The following BCKDHA variants were observed in gnomAD, a reference collection of about 807,000 sequenced individuals.
BCKDHA encodes branched chain keto acid dehydrogenase E1 subunit alpha.
A neutral mutation model predicts 52.2 loss-of-function variants in BCKDHA; 43 were observed. The ratio of observed to expected loss-of-function variants is 0.82; its 90% CI spans 0.64 to 1.06. The LOEUF (loss-of-function observed/expected upper bound fraction) is 1.06, where lower values mean the gene tolerates loss of function less well. BCKDHA is among the 50% of genes least tolerant of loss of function. The probability of loss-of-function intolerance (pLI) is 0.00; values close to 1 mark genes in which losing one functional copy is unlikely to be tolerated. For missense variants in BCKDHA, 527 were observed against 621.3 expected, an observed-to-expected ratio of 0.85 and a Z score of 1.61; for synonymous variants, 234 against 247.9, an observed-to-expected ratio of 0.94 and a Z score of 0.53.
Position 41,422,369 on chromosome 19 carries a change from T to A in BCKDHA, c.852T>A (p.Ile284=). 1.9e-6 allele frequency: 3 copies of A among 1,614,152 alleles called. No individual in the cohort carries two copies. Among genetic ancestry groups the A allele is most frequent in the Non-Finnish European group, 2.5e-6 (3 of 1,180,010 alleles). Residue 284 remains isoleucine (I), a splice_region_variant and synonymous_variant, in exon 6 of 9, where the codon ATT becomes ATA. Transcript: ENST00000269980. ...PTSEQYRGDG[I]AARGPGYGIM... Reference sequence around the variant, plus strand: ...CTGAGCAGTATCGCGGCGATGGCATTGGTATGGGCTCTGCTGGCTGCTCCC... The same window carrying A: ...CTGAGCAGTATCGCGGCGATGGCATAGGTATGGGCTCTGCTGGCTGCTCCC...
intron 1 of BCKDHA, among the ~76,000 whole-genome samples, chr19:41,399,145 G>C (rs1242485361): frequency 2.6e-5 from 4 of 152,146 alleles, no homozygotes; most frequent in Non-Finnish European, 5.9e-5. Flanking sequence ...AGGAGGGGAA[G>C]ATGGAATCTG....
chr19:41,414,242 G>A, intron 4 of BCKDHA, 85 bp downstream of exon 4: 1 of 1,315,096 alleles, frequency 7.6e-7, no homozygotes, highest in East Asian at 2.4e-5. Context: ...GAGCAGCATA[G>A]TGCCAGGAAG....
At chr19:41,412,077 A>G (rs1430449138) in intron 3 of BCKDHA, among the ~76,000 whole-genome samples, 1 of 152,046 alleles carries the variant, frequency 6.6e-6, no homozygotes, top group Non-Finnish European at 1.5e-5. Flanking sequence ...CGCTTTACAC[A>G]TGGCCCTGTG....
At chr19:41,402,641 T>G (rs2039150068) in intron 1 of BCKDHA, among the ~76,000 whole-genome samples, 1 of 152,048 alleles carries the variant, frequency 6.6e-6, no homozygotes, top group Admixed American at 6.6e-5. Flanking sequence ...TATTGGCTTA[T>G]TTTGTTTTAT....
At chr19:41,420,505 A>G (rs2039352752) in intron 5 of BCKDHA, among the ~76,000 whole-genome samples, 1 of 152,146 alleles carries the variant, frequency 6.6e-6, no homozygotes, top group Non-Finnish European at 1.5e-5. Flanking sequence ...AGGCTGAAGC[A>G]GGAGGATTGC....
In BCKDHA at chr19:41,422,164, C is replaced by T. The variant is rs369448982; in HGVS notation, c.647C>T (p.Ala216Val). The T allele has an allele frequency of 1.4e-5, 22 of 1,612,932 alleles. No individual in the cohort carries two copies. Among genetic ancestry groups the T allele is most frequent in the South Asian group, 4.4e-5 (4 of 90,984 alleles). ...SSPLATQIPQ[A>V]VGAAYAAKRA... ...CTCACCACCCTCTCATCCCCTGCAG[C>T]GGTGGGGGCGGCGTACGCAGCCAAG... The change falls in exon 6 of 9, where the codon GCG becomes GTG. Residue 216 changes from alanine (A) to valine (V), a missense_variant and splice_region_variant. Ala to Val is a moderately conservative substitution (Grantham distance 64). Transcript: ENST00000269980.
intron 4 of BCKDHA, among the ~76,000 whole-genome samples, chr19:41,418,503 G>A (rs1363071939): frequency 6.6e-6 from 1 of 151,804 alleles, no homozygotes; most frequent in Non-Finnish European, 1.5e-5. Flanking sequence ...GTAAATTAGT[G>A]GTCTATGCTG....
intron 1 of BCKDHA, among the ~76,000 whole-genome samples, chr19:41,408,929 T>C (rs138842376): frequency 0.011 from 1,733 of 151,960 alleles, 20 homozygotes; most frequent in Middle Eastern, 0.048. Flanking sequence ...CTGTCTTCCA[T>C]GAAGGACACA....
chr19:41,422,735 G>A lies in BCKDHA; in HGVS notation c.960G>A (p.Glu320=). The A allele has an allele frequency of 6.2e-7, 1 of 1,613,952 alleles. No homozygotes were observed. The highest frequency in any genetic ancestry group is 2.2e-5 in the East Asian group (1 of 44,874). Reference sequence around the variant, plus strand: ...AGGCCCGACGGCGGGCTGTGGCAGAGAACCAGCCCTTCCTCATCGAGGCCA... The same window carrying A: ...AGGCCCGACGGCGGGCTGTGGCAGAAAACCAGCCCTTCCTCATCGAGGCCA... ...TKEARRRAVA[E]NQPFLIEAMT... is the part of the protein sequence containing the mutation. The change falls in exon 7 of 9, where the codon GAG becomes GAA. Residue 320 remains glutamate, a synonymous_variant. Transcript: ENST00000269980.
chr19:41,410,368 C>G (rs1183691422), intron 1 of BCKDHA, among the ~76,000 whole-genome samples: 2 of 152,206 alleles, frequency 1.3e-5, no homozygotes, highest in Non-Finnish European at 2.9e-5. Flanking sequence ...AGTCATTTAA[C>G]CTCACAACAG....
At chr19:41,405,127 A>T (rs1462669831) in intron 1 of BCKDHA, among the ~76,000 whole-genome samples, 1 of 152,038 alleles carries the variant, frequency 6.6e-6, no homozygotes, top group Admixed American at 6.6e-5. Flanking sequence ...AGAAATACTT[A>T]CTCACTACTT....
At chr19:41,402,860 C>G (rs1209018381) in intron 1 of BCKDHA, among the ~76,000 whole-genome samples, 1 of 152,138 alleles carries the variant, frequency 6.6e-6, no homozygotes, top group Admixed American at 6.6e-5. Flanking sequence ...AGGCTGGTCT[C>G]GAACTCCTGG....
intron 3 of BCKDHA, 118 bp downstream of exon 3, chr19:41,411,127 G>C (rs1385085131): frequency 8.8e-7 from 1 of 1,134,896 alleles, no homozygotes; most frequent in Admixed American, 1.9e-5. Context: ...GGGTTCCATA[G>C]AGTTCTGAGG....
chr19:41,405,635 G>A (rs2039184182), intron 1 of BCKDHA, among the ~76,000 whole-genome samples: 1 of 152,068 alleles, frequency 6.6e-6, no homozygotes, highest in Non-Finnish European at 1.5e-5. Context: ...ATGTTTCCCA[G>A]GCTGGCCTCG....
intron 5 of BCKDHA, among the ~76,000 whole-genome samples, chr19:41,421,833 G>C (rs73931482): frequency 0.044 from 6,647 of 152,160 alleles, 465 homozygotes; most frequent in African/African-American, 0.15. Flanking sequence ...TCAGTAACTT[G>C]GGCTTGACCA....
chr19:41,404,218 G>A (rs565296442), intron 1 of BCKDHA, among the ~76,000 whole-genome samples: 12 of 152,148 alleles, frequency 7.9e-5, no homozygotes, highest in African/African-American at 2.4e-4. Flanking sequence ...GGCTTCGAGT[G>A]AACTGCCTGC....
At chr19:41,419,035 G>A (rs1281936236) in intron 4 of BCKDHA, 100 bp from the exon 5 acceptor site, 18 of 1,432,698 alleles carry the variant, frequency 1.3e-5, no homozygotes, top group Non-Finnish European at 1.8e-5. Context: ...ACAAGCCTGA[G>A]CTTTCCTGTC....
chr19:41,415,946 CT>C (rs34933875), intron 4 of BCKDHA, among the ~76,000 whole-genome samples: 307 of 137,086 alleles, frequency 2.2e-3, no homozygotes, highest in Admixed American at 2.4e-3. Flanking sequence ...CATGCCTGGC[CT>C]TTTTTTTTTT....
intron 5 of BCKDHA, among the ~76,000 whole-genome samples, 159 bp from the exon 6 acceptor site, chr19:41,422,005 A>G (rs2039370947): frequency 6.6e-6 from 1 of 152,104 alleles, no homozygotes; most frequent in Admixed American, 6.5e-5. Flanking sequence ...CTGGGTGGGC[A>G]GATGCTGGGG....
Sources: gnomAD v4.1 joint callset for allele counts (sites outside exome capture counted in the v4.1 genomes callset) on GRCh38, gnomAD v4.1.1 for gene constraint, MANE v1.5 for transcripts, NCBI Gene and HGNC (gene_info 2026-07-23, HGNC 2026-07-21) for gene names.